The following STK25 variants were observed in gnomAD, a reference collection of about 807,000 sequenced individuals.
STK25 encodes serine/threonine-protein kinase 25.
A neutral mutation model predicts 53.8 loss-of-function variants in STK25; 29 were observed. The ratio of observed to expected loss-of-function variants is 0.54; its 90% CI spans 0.40 to 0.74. STK25 has a LOEUF of 0.74. Ranked by LOEUF, STK25 falls within the 30% of genes least tolerant of loss-of-function variation. STK25 has a pLI of 0.00. For missense variants in STK25, 420 were observed against 568.0 expected (o/e 0.74, Z 2.65); for synonymous variants, 247 against 238.3 (o/e 1.04, Z -0.33).
Position 241,492,720 on chromosome 2 carries a change from T to C in STK25, c.*2942A>G. On this transcript the variant is annotated 3_prime_UTR_variant, in exon 12 of 12. Coordinates refer to ENST00000316586, the MANE Select transcript of STK25 (RefSeq NM_001271977.2). ...GTGCACAGGGAAAGGGAACTCACTT[T>C]ACTTGGTGCCTGGAATGTCACTCTA... The C allele has an allele frequency of 1.9e-6, 1 of 539,146 alleles. No homozygotes were observed. Among genetic ancestry groups the C allele is most frequent in the Non-Finnish European group, 3.3e-6 (1 of 302,392 alleles). The allele number at this position is 539,146 out of a possible 1,614,324, so 33.4% of individuals were successfully genotyped here.
intron 1 of STK25, 122 bp downstream of exon 1, chr2:241,508,321 T>G: frequency 1.7e-6 from 2 of 1,204,524 alleles, no homozygotes; most frequent in Non-Finnish European, 1.0e-6. Context: ...CCCCCACCTC[T>G]TCCAAGGCAG....
chr2:241,505,477 A>G (rs1014149706), intron 2 of STK25, among the ~76,000 whole-genome samples: 1 of 152,072 alleles, frequency 6.6e-6, no homozygotes, highest in East Asian at 1.9e-4. Flanking sequence ...ACCTGGCAGC[A>G]TTACCCAGCA....
chr2:241,498,383 G>A, intron 8 of STK25, 34 bp from the exon 9 acceptor site: 1 of 1,538,110 alleles, frequency 6.5e-7, no homozygotes, highest in Non-Finnish European at 8.8e-7. Context: ...GGGCCAGTGG[G>A]GAGAGGGCCA....
chr2:241,495,370 G>A lies in STK25; in HGVS notation c.*292C>T, dbSNP rs1477740466. 28 of 436,984 alleles carry A rather than the reference G, an allele frequency of 6.4e-5. No homozygotes were observed. In the Middle Eastern group the frequency reaches 2.0e-3, roughly 31 times the overall value. The allele number at this position is 436,984 out of a possible 1,614,324, so 27.1% of individuals were successfully genotyped here. ...GCATGAGTCTGCAGAAGACCCAGGCGTAGCTCATGAGGGCCACGCCGGCGG... is the reference window on the plus strand; with the variant it reads ...GCATGAGTCTGCAGAAGACCCAGGCATAGCTCATGAGGGCCACGCCGGCGG... On this transcript the variant is annotated 3_prime_UTR_variant, in exon 12 of 12. Coordinates refer to ENST00000316586, the MANE Select transcript of STK25 (RefSeq NM_001271977.2).
In STK25 at chr2:241,503,620, G is replaced by A. The variant is rs528812401; in HGVS notation, c.31-1912C>T. Among the ~76,000 whole-genome samples, 28 of 150,064 alleles carry A rather than the reference G, an allele frequency of 1.9e-4. 1 individual carries two copies. In the South Asian group the frequency reaches 6.0e-3, roughly 32 times the overall value. ...CCCAGCTACTCGGGAGGCTGAGGCA[G>A]GATAATATCATGAACCCAGGAGGCG... On this transcript the variant is annotated intron_variant, in intron 2 of 11. Coordinates refer to ENST00000316586, the MANE Select transcript of STK25 (RefSeq NM_001271977.2).
At chr2:241,506,989 T>G (rs1203864724) in intron 2 of STK25, among the ~76,000 whole-genome samples, 2 of 152,092 alleles carry the variant, frequency 1.3e-5, no homozygotes, top group Non-Finnish European at 2.9e-5. Context: ...TGGTCCGGTT[T>G]CCTCCAAAGC....
chr2:241,508,809 C>T (rs1475118351), upstream of STK25: 2 of 945,490 alleles, frequency 2.1e-6, no homozygotes, highest in East Asian at 2.3e-4. Flanking sequence ...CGGCAGGCCG[C>T]GCGCCTGGGC....
rs961984416 is a variant in STK25, at chr2:241,508,424, C to T, written c.-101+19G>A. 1 of 1,082,984 alleles carries T rather than the reference C, an allele frequency of 9.2e-7. No homozygotes were observed. The highest frequency in any genetic ancestry group is 2.5e-5 in the South Asian group (1 of 39,860). 67.1% of individuals were successfully genotyped at this position (1,082,984 alleles called of 1,614,324 possible). On this transcript the variant is annotated intron_variant, in intron 1 of 11. Coordinates refer to ENST00000316586, the MANE Select transcript of STK25 (RefSeq NM_001271977.2). ...CCCTCCCCAATCGCCGCAAGCGCCC[C>T]GCCCGGCAGCGCGCCCACCTCCGCG...
Position 241,508,567 on chromosome 2 carries a change from G to A in STK25, c.-225C>T, listed in dbSNP as rs1283643351. On this transcript the variant is annotated 5_prime_UTR_variant, in exon 1 of 12. Transcript: ENST00000316586. ...AGCCCGCGAAGCAACGGTGGTGGCGGCAGCGACCGGAGAAAGCCCGGAGGC... is the reference window on the plus strand; with the variant it reads ...AGCCCGCGAAGCAACGGTGGTGGCGACAGCGACCGGAGAAAGCCCGGAGGC... 13 of 991,664 alleles carry A rather than the reference G, an allele frequency of 1.3e-5. No individual in the cohort carries two copies. Among genetic ancestry groups the A allele is most frequent in the Middle Eastern group, 4.8e-4 (1 of 2,090 alleles). The allele number at this position is 991,664 out of a possible 1,614,324, so 61.4% of individuals were successfully genotyped here.
At chr2:241,503,267 G>A (rs1023424383) in intron 2 of STK25, among the ~76,000 whole-genome samples, 4 of 151,872 alleles carry the variant, frequency 2.6e-5, no homozygotes, top group African/African-American at 9.7e-5. Flanking sequence ...GTTTCACCAT[G>A]TTGGCCAGGC....
rs10207214 is a variant in STK25, at chr2:241,507,742, C to T, written c.30+264G>A. Reference sequence around the variant, plus strand: ...TGCGCCGGTGTCTCTTCACGCACCTCCACCGCCCTCGCACAGGCGGAGCCA... The same window carrying T: ...TGCGCCGGTGTCTCTTCACGCACCTTCACCGCCCTCGCACAGGCGGAGCCA... On this transcript the variant is annotated intron_variant, in intron 2 of 11. Coordinates refer to ENST00000316586, the MANE Select transcript of STK25 (RefSeq NM_001271977.2). Among the ~76,000 whole-genome samples, 11,777 of 152,334 alleles carry T rather than the reference C, an allele frequency of 0.077. 499 individuals carry two copies. Among genetic ancestry groups the T allele is most frequent in the African/African-American group, 0.096 (3,984 of 41,578 alleles).
rs2279845 is a variant in STK25 at position 241,501,248 on chromosome 2, G to A, written c.261+230C>T. ...GGCCCCCCAGAGTGCTCCTAGCAGC[G>A]CCCTCACTGCATTACCACAGGCAGG... On this transcript the variant is annotated intron_variant, in intron 3 of 11. Coordinates refer to ENST00000316586, the MANE Select transcript of STK25 (RefSeq NM_001271977.2). This position sits in a 1 kb window ranked among gnomAD's most constrained non-coding sequence, Gnocchi z 5.3. 0.36 allele frequency: 217,541 copies of A among 600,198 alleles called. 41,084 individuals are homozygous for A. Among genetic ancestry groups the A allele is most frequent in the Admixed American group, 0.56 (21,569 of 38,652 alleles). The allele number at this position is 600,198 out of a possible 1,614,324, so 37.2% of individuals were successfully genotyped here.
intron 2 of STK25, among the ~76,000 whole-genome samples, chr2:241,502,160 AT>A (rs2065551505): frequency 6.6e-6 from 1 of 151,872 alleles, no homozygotes; most frequent in African/African-American, 2.4e-5. Flanking sequence ...ATCAAACTCC[AT>A]TAAAAAAACA....
rs747842738 is a variant in STK25 at position 241,495,682 on chromosome 2, G to A, written c.1261C>T (p.His421Tyr). 3 of 1,614,232 alleles carry A rather than the reference G, an allele frequency of 1.9e-6. No homozygotes were observed. Among genetic ancestry groups the A allele is most frequent in the African/African-American group, 1.3e-5 (1 of 75,068 alleles). Residue 421 changes from histidine (H) to tyrosine (Y), a missense_variant, in exon 12 of 12, where the codon CAC becomes TAC. Transcript: ENST00000316586. ...GCGCTTCAGCGGGTGGATGTCAGGT[G>A]GTTTCTGTTGTGTGAAAACCTGCAG... ...RVQRFSHNRN[H>Y]LTSTR
chr2:241,506,089 C>A (rs1177468998), intron 2 of STK25, among the ~76,000 whole-genome samples: 1 of 152,232 alleles, frequency 6.6e-6, no homozygotes, highest in Non-Finnish European at 1.5e-5. Context: ...TTCGGGCCCT[C>A]CAGGGCCAGG....
intron 5 of STK25, chr2:241,499,675 C>T (rs531401944): frequency 1.1e-5 from 6 of 561,616 alleles, no homozygotes; most frequent in East Asian, 6.1e-5. Flanking sequence ...CAACGACAAG[C>T]GACTTCGCCC....
Position 241,495,689 on chromosome 2 carries a change from G to A in STK25, c.1254C>T (p.Asn418=). 1 of 1,614,224 alleles carries A rather than the reference G, an allele frequency of 6.2e-7. No homozygotes were observed. The part of the protein sequence containing the change: ...LVERVQRFSH[N]RNHLTSTR ...AGCGGGTGGATGTCAGGTGGTTTCT[G>A]TTGTGTGAAAACCTGCAGAGAGAAG... The change falls in exon 12 of 12, where the codon AAC becomes AAT. Residue 418 remains asparagine, a synonymous_variant. Transcript: ENST00000316586.
chr2:241,498,312 A>G lies in STK25; in HGVS notation c.955T>C (p.Trp319Arg). ...GGCCGGATGGTAGGGGGGAACGTCC[A>G]GATGGGGCCCTGCTCCCCGTCCTCC... is the stretch of plus-strand genomic sequence containing the variant. ...EAEDGEQGPI[W>R]TFPPTIRPSP... Residue 319 changes from tryptophan (W) to arginine (R), a missense_variant, in exon 9 of 12, where the codon TGG (tryptophan) becomes CGG (arginine). Trp to Arg is a moderately radical substitution (Grantham distance 101). Coordinates refer to ENST00000316586, the MANE Select transcript of STK25 (RefSeq NM_001271977.2). 1 of 1,607,060 alleles carries G rather than the reference A, an allele frequency of 6.2e-7. No individual in the cohort carries two copies. The highest frequency in any genetic ancestry group is 8.5e-7 in the Non-Finnish European group (1 of 1,174,884).
intron 11 of STK25, among the ~76,000 whole-genome samples, chr2:241,495,945 C>T (rs989731134): frequency 4.6e-5 from 7 of 152,270 alleles, no homozygotes. Flanking sequence ...GGCGCATCTG[C>T]CGGCGGCATG....
Sources: gnomAD v4.1 joint callset for allele counts (sites outside exome capture counted in the v4.1 genomes callset) on GRCh38, gnomAD v4.1.1 for gene constraint, Gnocchi (gnomAD v3.1) non-coding constraint, MANE v1.5 for transcripts, NCBI Gene and HGNC (gene_info 2026-07-23, HGNC 2026-07-21) for gene names.